The following COBLL1 variants were observed in gnomAD, a reference collection of about 807,000 sequenced individuals.
The protein encoded by COBLL1 is cordon-bleu protein-like 1.
Under a neutral mutation model 94.8 loss-of-function variants are expected in COBLL1, and 50 were observed. The observed-to-expected ratio is 0.53, with a 90% CI of 0.42 to 0.67. The LOEUF (loss-of-function observed/expected upper bound fraction) is 0.67, where lower values mean the gene tolerates loss of function less well. COBLL1 is among the 30% of genes least tolerant of loss of function. COBLL1 has a pLI of 0.00. For synonymous variants in COBLL1, 448 were observed against 473.8 expected (o/e 0.95, Z 0.71); for missense variants, 1,362 against 1,348.7 (o/e 1.01, Z -0.15).
At chr2:164,767,530 T>TC (rs144940040) in intron 2 of COBLL1, among the ~76,000 whole-genome samples, 1 of 151,896 alleles carries the variant, frequency 6.6e-6, no homozygotes, top group Non-Finnish European at 1.5e-5. Context: ...GCTTTATTTT[T>TC]TAAATGTACC....
In COBLL1 at chr2:164,783,800, C is replaced by T. The variant is rs142004805; in HGVS notation, c.42-39925G>A. ...TGGGCAACATAGCGAGATCCAATCA[C>T]GACAAAATATAAAAAATTAGCCAGG... On this transcript the variant is annotated intron_variant, in intron 2 of 13. Transcript: ENST00000652658. 2.6e-3 allele frequency among the ~76,000 whole-genome samples: 394 copies of T among 151,954 alleles called. 1 individual carries two copies. The highest frequency in any genetic ancestry group is 8.8e-3 in the African/African-American group (364 of 41,444).
intron 5 of COBLL1, among the ~76,000 whole-genome samples, chr2:164,726,480 A>T (rs1685728703): frequency 6.6e-6 from 1 of 152,150 alleles, no homozygotes; most frequent in Admixed American, 6.5e-5. Context: ...ATGTATGCCC[A>T]TTATATAATT....
In COBLL1 at chr2:164,704,977, T is replaced by A. The variant is rs1684506561; in HGVS notation, c.1125A>T (p.Gln375His). ...CAGTCACACGACTATTTTCATCACT[T>A]TGATGCGGGGGTATTTTGGAGGGTG... Reference protein sequence around the residue: ...PSPPSKIPPHQSDENSRVTAL... With the variant: ...PSPPSKIPPHHSDENSRVTAL... The change falls in exon 8 of 14, where the codon CAA becomes CAT. Residue 375 changes from glutamine (Q) to histidine (H), a missense_variant. Transcript: ENST00000652658. 6.3e-7 allele frequency: 1 copy of A among 1,592,968 alleles called. No homozygotes were observed. The highest frequency in any genetic ancestry group is 2.3e-5 in the East Asian group (1 of 44,296).
chr2:164,766,012 C>CT (rs969774340), intron 2 of COBLL1, among the ~76,000 whole-genome samples: 1 of 152,012 alleles, frequency 6.6e-6, no homozygotes, highest in African/African-American at 2.4e-5. Context: ...TCTATATTTG[C>CT]TTTTTTTGGA....
intron 3 of COBLL1, among the ~76,000 whole-genome samples, chr2:164,741,074 G>A (rs1686568137): frequency 6.6e-6 from 1 of 151,948 alleles, no homozygotes; most frequent in African/African-American, 2.4e-5. Context: ...TCAGGAGTTC[G>A]AGACCAGCCT....
chr2:164,694,086 TAA>T, intron 12 of COBLL1, among the ~76,000 whole-genome samples, 181 bp downstream of exon 12: 1 of 152,166 alleles, frequency 6.6e-6, no homozygotes, highest in East Asian at 1.9e-4. Context: ...ACAAGTTATA[TAA>T]GTTATAATTG....
intron 8 of COBLL1, among the ~76,000 whole-genome samples, 171 bp from the exon 9 acceptor site, chr2:164,704,689 C>G (rs1222701054): frequency 6.6e-6 from 1 of 152,212 alleles, no homozygotes. Context: ...CTACATACAG[C>G]TAATCCTGAA....
intron 2 of COBLL1, among the ~76,000 whole-genome samples, chr2:164,744,596 G>A (rs1162531067): frequency 6.6e-6 from 1 of 152,102 alleles, no homozygotes; most frequent in African/African-American, 2.4e-5. Flanking sequence ...CAGGTGGGGG[G>A]ATCCATTGAG....
At position 164,695,447 on chromosome 2, in the gene COBLL1, C is replaced by A; in HGVS notation, c.1945G>T (p.Asp649Tyr). Residue 649 changes from aspartate to tyrosine, a missense_variant, in exon 12 of 14, where the codon GAT becomes TAT. Coordinates refer to ENST00000652658, the MANE Select transcript of COBLL1 (RefSeq NM_001365672.2). ...AATTCCCTTGAGGTATTTACAGAAT[C>A]TTGTGAACTTAAGCATGAGTGTTGA... ...STQHSCLSSQDSVNTSREFRS... is the reference protein window; with the variant it reads ...STQHSCLSSQYSVNTSREFRS... 6.2e-7 allele frequency: 1 copy of A among 1,613,882 alleles called. No individual in the cohort carries two copies.
chr2:164,664,740 T>G (rs1047721804), intron 2 of COBLL1, among the ~76,000 whole-genome samples: 19 of 152,330 alleles, frequency 1.2e-4, no homozygotes, highest in African/African-American at 4.3e-4. Flanking sequence ...TTAAAAGCAT[T>G]TTCTCTATTT....
intron 2 of COBLL1, among the ~76,000 whole-genome samples, chr2:164,790,364 G>A (rs899443223): frequency 5.3e-5 from 8 of 152,066 alleles, no homozygotes; most frequent in Non-Finnish European, 1.2e-4. Context: ...GACCCTAAAC[G>A]GGAATAAATA....
chr2:164,763,548 G>T (rs115918955), intron 2 of COBLL1, among the ~76,000 whole-genome samples: 3 of 152,060 alleles, frequency 2.0e-5, no homozygotes. Context: ...CAGCATTTTT[G>T]AAAACAAAAG....
chr2:164,744,246 T>A (rs1165484164), intron 2 of COBLL1, among the ~76,000 whole-genome samples: 2 of 152,134 alleles, frequency 1.3e-5, no homozygotes, highest in Non-Finnish European at 2.9e-5. Context: ...TAGAGATCAG[T>A]ATCTCACTCT....
chr2:164,769,399 T>G (rs186429744), intron 2 of COBLL1, among the ~76,000 whole-genome samples: 1 of 152,320 alleles, frequency 6.6e-6, no homozygotes, highest in East Asian at 1.9e-4. Context: ...CTTCTTCCCA[T>G]CTATTGTAGA....
intron 1 of COBLL1, among the ~76,000 whole-genome samples, chr2:164,673,201 A>G (rs1255518899): frequency 2.6e-5 from 4 of 152,218 alleles, no homozygotes; most frequent in African/African-American, 4.8e-5. Flanking sequence ...ATTAAAATGG[A>G]AAAAAGTAAT....
chr2:164,825,561 C>G (rs1374866308), intron 2 of COBLL1, among the ~76,000 whole-genome samples: 3 of 152,082 alleles, frequency 2.0e-5, no homozygotes, highest in Non-Finnish European at 4.4e-5. Context: ...AAAACTTAAC[C>G]TGCAAGAAAA....
intron 10 of COBLL1, 33 bp downstream of exon 10, chr2:164,700,489 G>A (rs765589730): frequency 1.1e-5 from 15 of 1,335,140 alleles, no homozygotes; most frequent in African/African-American, 2.9e-5. Context: ...TTAAACTAAC[G>A]GCCACCAACA....
chr2:164,797,973 A>G (rs1018617216), intron 2 of COBLL1, among the ~76,000 whole-genome samples: 7 of 152,218 alleles, frequency 4.6e-5, no homozygotes, highest in Non-Finnish European at 7.3e-5. Context: ...ACTTACATTG[A>G]AAAGATCAAT....
At chr2:164,832,784 C>A (rs1196296056) in intron 2 of COBLL1, among the ~76,000 whole-genome samples, 1 of 152,188 alleles carries the variant, frequency 6.6e-6, no homozygotes, top group African/African-American at 2.4e-5. Flanking sequence ...TGGCTCACAC[C>A]TGTAATCCCA....
Sources: allele counts gnomAD v4.1 joint callset (sites outside exome capture counted in the v4.1 genomes callset), GRCh38; gene constraint gnomAD v4.1.1; transcripts MANE v1.5; gene names NCBI Gene and HGNC (gene_info 2026-07-23, HGNC 2026-07-21).